Variants in PIGK observed in about 807,000 individuals in gnomAD.
The protein encoded by PIGK is GPI-anchor transamidase.
Under a neutral mutation model 50.6 loss-of-function variants are expected in PIGK, and 42 were observed. The observed-to-expected ratio is 0.83, with a 90% CI of 0.65 to 1.07. The LOEUF (loss-of-function observed/expected upper bound fraction) is 1.07. PIGK is among the 50% of genes least tolerant of loss of function. PIGK has a pLI of 0.00. For synonymous variants in PIGK, 151 were observed against 156.0 expected, an observed-to-expected ratio of 0.97 and a Z score of 0.24; for missense variants, 448 against 488.7, an observed-to-expected ratio of 0.92 and a Z score of 0.78.
chr1:77,172,970 T>C (rs1441996213), intron 3 of PIGK, among the ~76,000 whole-genome samples: 1 of 152,200 alleles, frequency 6.6e-6, no homozygotes, highest in African/African-American at 2.4e-5. Flanking sequence ...TTTTGTGTTC[T>C]ACCCCTTTGT....
intron 8 of PIGK, among the ~76,000 whole-genome samples, chr1:77,159,487 G>C (rs1202751740): frequency 4.6e-5 from 7 of 152,170 alleles, no homozygotes; most frequent in Non-Finnish European, 1.0e-4. Flanking sequence ...TAGATCCACT[G>C]ACAGCTTCCA....
At chr1:77,206,011 A>G (rs753088697) in intron 3 of PIGK, among the ~76,000 whole-genome samples, 3 of 152,112 alleles carry the variant, frequency 2.0e-5, no homozygotes, top group Non-Finnish European at 2.9e-5. Flanking sequence ...TACCAATATA[A>G]CATTCCCACC....
intron 10 of PIGK, among the ~76,000 whole-genome samples, chr1:77,104,957 C>G (rs998279161): frequency 6.6e-6 from 1 of 152,138 alleles, no homozygotes; most frequent in Non-Finnish European, 1.5e-5. Flanking sequence ...CATGGAGCAA[C>G]GGGGCGACTT....
Position 77,090,472 on chromosome 1 carries a change from A to G in PIGK, c.*1902T>C, listed in dbSNP as rs903554872. The G allele has an allele frequency of 6.6e-6, 1 of 152,226 alleles. No homozygotes were observed. The highest frequency in any genetic ancestry group is 1.5e-5 in the Non-Finnish European group (1 of 68,026). The allele number at this position is 152,226 out of a possible 1,614,324, so 9.4% of individuals were successfully genotyped here. ...TTCTGCTGAGGCAAAATTTATCCTG[A>G]ATATTTTATCCAGTATTACTTTTCC... is the stretch of plus-strand genomic sequence containing the variant. On this transcript the variant is annotated 3_prime_UTR_variant, in exon 11 of 11. Transcript: ENST00000370812.
At chr1:77,196,661 G>A (rs1035988542) in intron 3 of PIGK, among the ~76,000 whole-genome samples, 2 of 152,050 alleles carry the variant, frequency 1.3e-5, no homozygotes, top group Non-Finnish European at 2.9e-5. Flanking sequence ...TTTTAATGGG[G>A]TTATTTGGTT....
At chr1:77,204,408 A>G (rs1331009314) in intron 3 of PIGK, among the ~76,000 whole-genome samples, 2 of 152,260 alleles carry the variant, frequency 1.3e-5, no homozygotes, top group East Asian at 3.9e-4. Context: ...GTGGGACATG[A>G]AACTTCATCA....
chr1:77,179,729 G>T (rs1036405207), intron 3 of PIGK, among the ~76,000 whole-genome samples: 1 of 152,098 alleles, frequency 6.6e-6, no homozygotes, highest in African/African-American at 2.4e-5. Flanking sequence ...TAATTTGGCT[G>T]AAGTTTTTCT....
chr1:77,141,154 G>A (rs892780693), intron 9 of PIGK, among the ~76,000 whole-genome samples: 1 of 151,792 alleles, frequency 6.6e-6, no homozygotes, highest in African/African-American at 2.4e-5. Flanking sequence ...TGCTTACCAA[G>A]TATCTCTGAA....
chr1:77,172,128 C>A (rs983388229), intron 3 of PIGK, among the ~76,000 whole-genome samples: 7 of 134,020 alleles, frequency 5.2e-5, no homozygotes, highest in Non-Finnish European at 1.1e-4. Flanking sequence ...CAAACTAAAA[C>A]GGCCTGATAA....
At chr1:77,107,214 T>C (rs1285796710) in intron 10 of PIGK, among the ~76,000 whole-genome samples, 1 of 152,322 alleles carries the variant, frequency 6.6e-6, no homozygotes, top group African/African-American at 2.4e-5. Flanking sequence ...CTGCTTTCTC[T>C]TGTGGGCATT....
chr1:77,170,642 A>C (rs1655338980), intron 3 of PIGK, among the ~76,000 whole-genome samples: 1 of 152,228 alleles, frequency 6.6e-6, no homozygotes, highest in Non-Finnish European at 1.5e-5. Flanking sequence ...AAATAATTTT[A>C]AGTGAATGAA....
rs1279606506 is a variant in PIGK at position 77,089,479 on chromosome 1, G to A, written c.*2895C>T. ...GTTATATGTTAATGCAACATTTGTT[G>A]TAAAGATTCCAGAAACACAGGAGTC... On this transcript the variant is annotated 3_prime_UTR_variant, in exon 11 of 11. Coordinates refer to ENST00000370812, the MANE Select transcript of PIGK (RefSeq NM_005482.3). 2 of 152,536 alleles carry A rather than the reference G, an allele frequency of 1.3e-5. No individual in the cohort carries two copies. The highest frequency in any genetic ancestry group is 2.1e-4 in the South Asian group (1 of 4,822). 9.4% of individuals were successfully genotyped at this position (152,536 alleles called of 1,614,324 possible). A position where few individuals can be genotyped will look rare whatever the true frequency, so the allele number is the denominator to read the frequency against.
intron 10 of PIGK, among the ~76,000 whole-genome samples, chr1:77,105,581 G>A (rs961977514): frequency 5.3e-5 from 8 of 151,822 alleles, no homozygotes; most frequent in African/African-American, 1.9e-4. Context: ...ACTACACAAA[G>A]GGACAGCTTA....
At chr1:77,199,501 C>T (rs1656113264) in intron 3 of PIGK, among the ~76,000 whole-genome samples, 1 of 151,806 alleles carries the variant, frequency 6.6e-6, no homozygotes, top group Non-Finnish European at 1.5e-5. Flanking sequence ...AAACTTATTG[C>T]AGGATGGAAA....
At chr1:77,118,413 GT>G (rs879336421) in intron 10 of PIGK, among the ~76,000 whole-genome samples, 2 of 151,374 alleles carry the variant, frequency 1.3e-5, no homozygotes, top group Non-Finnish European at 3.0e-5. Flanking sequence ...TTAATTTATG[GT>G]TTTTTTGTAG....
intron 9 of PIGK, among the ~76,000 whole-genome samples, chr1:77,140,277 C>T (rs1654618210): frequency 2.6e-5 from 4 of 151,982 alleles, no homozygotes; most frequent in Non-Finnish European, 5.9e-5. Flanking sequence ...GCACTCTCTC[C>T]CAAACCCTTG....
At position 77,089,360 on chromosome 1, in the gene PIGK, A is replaced by G. The variant is rs764920829; in HGVS notation, c.*3014T>C. 3 of 152,222 alleles carry G rather than the reference A, an allele frequency of 2.0e-5. No homozygotes were observed. Among genetic ancestry groups the G allele is most frequent in the Admixed American group, 6.5e-5 (1 of 15,288 alleles). The allele number at this position is 152,222 out of a possible 1,614,324, so 9.4% of individuals were successfully genotyped here. A position where few individuals can be genotyped will look rare whatever the true frequency, so the allele number is the denominator to read the frequency against. On this transcript the variant is annotated 3_prime_UTR_variant, in exon 11 of 11. Transcript: ENST00000370812. ...ATACTGATCTCATTGTTTTATAGCC[A>G]TATCTTGTGGTATGTTTATAACGTA...
intron 3 of PIGK, among the ~76,000 whole-genome samples, chr1:77,180,021 C>T (rs1187306671): frequency 6.7e-6 from 1 of 150,008 alleles, no homozygotes; most frequent in Non-Finnish European, 1.5e-5. Flanking sequence ...CTGCTGAAAT[C>T]AAGACTCAAA....
rs775339339 is a variant in PIGK at position 77,122,284 on chromosome 1, T to C, written c.1062A>G (p.Ile354Met). ...AAAATGAAATGCAAACCTGGTGTATTATCTGAGCTACAGGAAGTTGTTCAG... is the reference window on the plus strand; with the variant it reads ...AAAATGAAATGCAAACCTGGTGTATCATCTGAGCTACAGGAAGTTGTTCAG... The part of the protein sequence containing the change: ...KYAEQLPVAQ[I>M]IHQKPKLKDW... The change falls in exon 10 of 11, where the codon ATA becomes ATG. Residue 354 changes from isoleucine (I) to methionine (M), a missense_variant. Ile to Met is a conservative substitution (Grantham distance 10). Coordinates refer to ENST00000370812, the MANE Select transcript of PIGK (RefSeq NM_005482.3). 17 of 1,584,126 alleles carry C rather than the reference T, an allele frequency of 1.1e-5. 1 individual carries two copies. The Admixed American group carries it at 2.5e-4, about 23-fold the overall frequency.
Sources: gnomAD v4.1 joint callset for allele counts (sites outside exome capture counted in the v4.1 genomes callset) on GRCh38, gnomAD v4.1.1 for gene constraint, MANE v1.5 for transcripts, NCBI Gene and HGNC (gene_info 2026-07-23, HGNC 2026-07-21) for gene names.